The following IGLL1 variants were observed in gnomAD, a reference collection of about 807,000 sequenced individuals.
IGLL1 encodes the protein immunoglobulin lambda like polypeptide 1, also known as immunoglobulin lambda-like polypeptide 1.
IGLL1 carries 10 observed loss-of-function variants against 10.5 expected under a neutral mutation model. That is an observed-to-expected ratio of 0.95 (90% CI 0.59 to 1.62). The LOEUF (loss-of-function observed/expected upper bound fraction) is 1.62, where lower values mean the gene tolerates loss of function less well. IGLL1 is among the 40% of genes most tolerant of loss of function. IGLL1 has a pLI of 0.00. For synonymous variants in IGLL1, 141 were observed against 122.7 expected (o/e 1.15, Z -0.99); for missense variants, 284 against 278.7 (o/e 1.02, Z -0.14).
chr22:23,578,939 G>A (rs549908435), intron 1 of IGLL1, among the ~76,000 whole-genome samples: 5 of 152,042 alleles, frequency 3.3e-5, no homozygotes, highest in African/African-American at 4.8e-5. Context: ...CAGACTGGGC[G>A]ACAAGAGTGA....
At chr22:23,574,826 A>G (rs1179643112) in intron 2 of IGLL1, 141 bp downstream of exon 2, 2 of 712,770 alleles carry the variant, frequency 2.8e-6, no homozygotes, top group Non-Finnish European at 5.1e-6. Flanking sequence ...AGACTAACAC[A>G]TCTCCTCCAG....
Position 23,579,978 on chromosome 22 carries a change from C to T in IGLL1, c.206+7G>A, listed in dbSNP as rs1323089216. 1 of 1,572,416 alleles carries T rather than the reference C, an allele frequency of 6.4e-7. No homozygotes were observed. Among genetic ancestry groups the T allele is most frequent in the Non-Finnish European group, 8.6e-7 (1 of 1,164,784 alleles). The stretch of plus-strand genomic sequence containing the variant: ...CCCCACATCCCCTGGAATCTCTCAC[C>T]CCTTACCTGCCCCACCGGCTCCTCA... On this transcript the variant is annotated splice_region_variant and intron_variant, in intron 1 of 2. Coordinates refer to ENST00000330377, the MANE Select transcript of IGLL1 (RefSeq NM_020070.4).
intron 1 of IGLL1, among the ~76,000 whole-genome samples, chr22:23,575,829 G>A (rs1316460923): frequency 2.6e-5 from 4 of 152,276 alleles, no homozygotes; most frequent in African/African-American, 7.2e-5. Flanking sequence ...CGCTGGATGC[G>A]ACACAGGGCT....
At chr22:23,574,298 G>A (rs929483339) in intron 2 of IGLL1, among the ~76,000 whole-genome samples, 1 of 152,172 alleles carries the variant, frequency 6.6e-6, no homozygotes, top group African/African-American at 2.4e-5. Flanking sequence ...TCAAATGAAG[G>A]TGGGAGGTCG....
At chr22:23,576,360 C>CAAAAAAAA (rs11455488) in intron 1 of IGLL1, among the ~76,000 whole-genome samples, 2 of 67,112 alleles carry the variant, frequency 3.0e-5, no homozygotes, top group African/African-American at 1.2e-4. Context: ...AAGACTGTCC[C>CAAAAAAAA]AAAAAAAAAA....
chr22:23,579,587 GGA>G (rs1197453687), intron 1 of IGLL1, among the ~76,000 whole-genome samples: 15 of 150,364 alleles, frequency 1.0e-4, no homozygotes, highest in African/African-American at 3.2e-4. Context: ...GGGGAAAAGA[GGA>G]GGGGGGGGAG....
At chr22:23,577,020 TTCAC>T (rs1925093335) in intron 1 of IGLL1, among the ~76,000 whole-genome samples, 2 of 152,246 alleles carry the variant, frequency 1.3e-5, no homozygotes, top group African/African-American at 2.4e-5. Context: ...TCTGGCTTAT[TTCAC>T]TAAGTATAAT....
chr22:23,573,406 G>C lies in IGLL1; in HGVS notation c.502C>G (p.Gln168Glu). 1 of 1,614,046 alleles carries C rather than the reference G, an allele frequency of 6.2e-7. No homozygotes were observed. Among genetic ancestry groups the C allele is most frequent in the Non-Finnish European group, 8.5e-7 (1 of 1,179,958 alleles). ...CTGGCCGCGTACTTGTTGTTGCTCTGTTTGGAGGGCGTGGTCATCTCCACG... is the reference window on the plus strand; with the variant it reads ...CTGGCCGCGTACTTGTTGTTGCTCTCTTTGGAGGGCGTGGTCATCTCCACG... Reference protein sequence around the residue: ...QGVEMTTPSKQSNNKYAASSY... With the variant: ...QGVEMTTPSKESNNKYAASSY... Residue 168 changes from glutamine to glutamate, a missense_variant, in exon 3 of 3, where the codon CAG (glutamine) becomes GAG (glutamate). Coordinates refer to ENST00000330377, the MANE Select transcript of IGLL1 (RefSeq NM_020070.4).
At chr22:23,574,517 C>T (rs1924959173) in intron 2 of IGLL1, among the ~76,000 whole-genome samples, 1 of 152,152 alleles carries the variant, frequency 6.6e-6, no homozygotes, top group Non-Finnish European at 1.5e-5. Flanking sequence ...TCTGTGCCCT[C>T]CATTGGTCTC....
chr22:23,573,898 A>C (rs1424770191), intron 2 of IGLL1, among the ~76,000 whole-genome samples: 1 of 151,372 alleles, frequency 6.6e-6, no homozygotes, highest in Non-Finnish European at 1.5e-5. Flanking sequence ...CTGGAGTCTG[A>C]GTTTGGAATC....
intron 1 of IGLL1, among the ~76,000 whole-genome samples, 160 bp from the exon 2 acceptor site, chr22:23,575,242 A>G (rs570567552): frequency 9.2e-5 from 14 of 151,866 alleles, no homozygotes; most frequent in African/African-American, 1.5e-4. Flanking sequence ...CCTCTCTGAA[A>G]CTGTTGGTGC....
At chr22:23,576,440 AT>A (rs1164675992) in intron 1 of IGLL1, among the ~76,000 whole-genome samples, 1 of 131,380 alleles carries the variant, frequency 7.6e-6, no homozygotes, top group African/African-American at 2.9e-5. Flanking sequence ...ATTTCCTTTT[AT>A]TTTTTTGAAA....
chr22:23,578,951 ACT>A (rs1173817567), intron 1 of IGLL1, among the ~76,000 whole-genome samples: 1 of 151,894 alleles, frequency 6.6e-6, no homozygotes, highest in Non-Finnish European at 1.5e-5. Context: ...CAAGAGTGAA[ACT>A]CTGTGAAACT....
At chr22:23,574,151 C>T (rs1047969283) in intron 2 of IGLL1, among the ~76,000 whole-genome samples, 13 of 139,318 alleles carry the variant, frequency 9.3e-5, no homozygotes, top group Non-Finnish European at 1.5e-4. Context: ...GCTGCTCCCC[C>T]AGACTTTGGG....
At position 23,573,209 on chromosome 22, in the gene IGLL1, C is replaced by G. The variant is rs558294251; in HGVS notation, c.*57G>C. On this transcript the variant is annotated 3_prime_UTR_variant, in exon 3 of 3. Transcript: ENST00000330377. ...GATGGCTTGGGATGCAGAGAGAGAC[C>G]CTTCCCCTGGGATCCTGCAGCTCCA... The G allele has an allele frequency of 4.0e-3, 6,165 of 1,551,876 alleles. 40 individuals carry two copies. The highest frequency in any genetic ancestry group is 6.8e-3 in the Middle Eastern group (36 of 5,308).
In IGLL1 at chr22:23,573,565, A is replaced by C; in HGVS notation, c.343T>G (p.Ser115Ala). The C allele has an allele frequency of 1.2e-6, 2 of 1,613,770 alleles. No individual in the cohort carries two copies. The highest frequency in any genetic ancestry group is 1.7e-6 in the Non-Finnish European group (2 of 1,179,778). ...GAGGACGGCGGGAACAGAGTGACCG[A>C]GGGGGTGGCCTTGGGCTGACCTGTG... ...TVLSQPKATP[S>A]VTLFPPSSEE... is the part of the protein sequence containing the mutation. Residue 115 changes from serine (S) to alanine (A), a missense_variant, in exon 3 of 3, where the codon TCG becomes GCG. Transcript: ENST00000330377.
chr22:23,577,761 C>T (rs1830212752), intron 1 of IGLL1, among the ~76,000 whole-genome samples: 1 of 152,050 alleles, frequency 6.6e-6, no homozygotes, highest in South Asian at 2.1e-4. Context: ...ATCTCAAACT[C>T]CTGGGCTCAA....
chr22:23,577,325 G>T (rs1925106807), intron 1 of IGLL1, among the ~76,000 whole-genome samples: 1 of 152,124 alleles, frequency 6.6e-6, no homozygotes, highest in African/African-American at 2.4e-5. Flanking sequence ...TATTGCTTGA[G>T]CCCAGCAGTT....
chr22:23,575,190 C>G, intron 1 of IGLL1, 108 bp from the exon 2 acceptor site: 1 of 819,894 alleles, frequency 1.2e-6, no homozygotes, highest in East Asian at 2.4e-5. Context: ...GTCTCTGTGC[C>G]TGTCCCTTCT....
Sources: allele counts gnomAD v4.1 joint callset (sites outside exome capture counted in the v4.1 genomes callset), GRCh38; gene constraint gnomAD v4.1.1; transcripts MANE v1.5; gene names NCBI Gene and HGNC (gene_info 2026-07-23, HGNC 2026-07-21).